The following SUCLG1 variants were observed in gnomAD, a reference collection of about 807,000 sequenced individuals.
SUCLG1 encodes the protein succinate-CoA ligase GDP/ADP-forming subunit alpha, also known as succinate--CoA ligase [ADP/GDP-forming] subunit alpha, mitochondrial.
In SUCLG1, 26 loss-of-function variants were observed where a neutral mutation model predicts 37.3. The observed-to-expected ratio is 0.70, with a 90% CI of 0.51 to 0.97. The LOEUF is 0.97. Ranked by LOEUF, SUCLG1 falls within the 50% of genes least tolerant of loss-of-function variation. The probability of loss-of-function intolerance (pLI) is 0.00; values close to 1 mark genes in which losing one functional copy is unlikely to be tolerated. For synonymous variants in SUCLG1, 163 were observed against 155.6 expected, an observed-to-expected ratio of 1.05 and a Z score of -0.36; for missense variants, 433 against 432.9, an observed-to-expected ratio of 1.00 and a Z score of 0.00.
chr2:84,423,559 T>G lies in SUCLG1; in HGVS notation c.*187A>C, dbSNP rs1672488110. ...TCAAATAGTAGATTTATTGGCTGTCTCTGTAATACAATGTGGTGAAAACAT... is the reference window on the plus strand; with the variant it reads ...TCAAATAGTAGATTTATTGGCTGTCGCTGTAATACAATGTGGTGAAAACAT... On this transcript the variant is annotated 3_prime_UTR_variant, in exon 9 of 9. Coordinates refer to ENST00000393868, the MANE Select transcript of SUCLG1 (RefSeq NM_003849.4). 3.1e-6 allele frequency: 2 copies of G among 642,600 alleles called. No individual in the cohort carries two copies. The highest frequency in any genetic ancestry group is 3.6e-5 in the South Asian group (2 of 55,894). The allele number at this position is 642,600 out of a possible 1,614,324, so 39.8% of individuals were successfully genotyped here.
intron 7 of SUCLG1, among the ~76,000 whole-genome samples, chr2:84,428,012 A>G (rs543099963): frequency 6.6e-6 from 1 of 152,296 alleles, no homozygotes; most frequent in African/African-American, 2.4e-5. Flanking sequence ...AAGATGCAGC[A>G]TGCAAGGAGC....
intron 1 of SUCLG1, among the ~76,000 whole-genome samples, chr2:84,454,616 T>C (rs1672990988): frequency 6.6e-6 from 1 of 151,918 alleles, no homozygotes; most frequent in Non-Finnish European, 1.5e-5. Context: ...GAGCTAAACA[T>C]TGCACAAAAA....
chr2:84,459,131 A>G lies in SUCLG1; in HGVS notation c.97+42T>C, dbSNP rs745854340. On this transcript the variant is annotated intron_variant, in intron 1 of 8. Coordinates refer to ENST00000393868, the MANE Select transcript of SUCLG1 (RefSeq NM_003849.4). The stretch of plus-strand genomic sequence containing the variant: ...CAGGAGGTTGGGTCCGGCGGGGCCA[A>G]TAACCCGCGGGCGCCAGGAAGACAG... 25 of 1,524,848 alleles carry G rather than the reference A, an allele frequency of 1.6e-5. No individual in the cohort carries two copies. In the South Asian group the frequency reaches 2.3e-4, roughly 14 times the overall value. 94.5% of individuals were successfully genotyped at this position (1,524,848 alleles called of 1,614,324 possible). A position where few individuals can be genotyped will look rare whatever the true frequency, so the allele number is the denominator to read the frequency against.
At chr2:84,457,991 T>C (rs1673051662) in intron 1 of SUCLG1, among the ~76,000 whole-genome samples, 1 of 151,900 alleles carries the variant, frequency 6.6e-6, no homozygotes, top group Admixed American at 6.6e-5. Context: ...CAGAATGTAA[T>C]CTTCTCAAGA....
intron 5 of SUCLG1, among the ~76,000 whole-genome samples, chr2:84,434,777 C>T (rs545473499): frequency 6.6e-6 from 1 of 152,282 alleles, no homozygotes; most frequent in Non-Finnish European, 1.5e-5. Flanking sequence ...CATGTTTACA[C>T]TCTTAAACAA....
At chr2:84,453,692 C>T (rs1672978074) in intron 1 of SUCLG1, among the ~76,000 whole-genome samples, 2 of 152,226 alleles carry the variant, frequency 1.3e-5, no homozygotes, top group South Asian at 4.1e-4. Context: ...GCTGGGATTA[C>T]AGGCAGGAGC....
chr2:84,440,099 G>A (rs1279587877), intron 5 of SUCLG1, among the ~76,000 whole-genome samples: 1 of 152,194 alleles, frequency 6.6e-6, no homozygotes, highest in East Asian at 1.9e-4. Flanking sequence ...TAATAGCCGG[G>A]CATGGTAGCT....
chr2:84,457,451 T>C (rs1011239560), intron 1 of SUCLG1, among the ~76,000 whole-genome samples: 8 of 152,222 alleles, frequency 5.3e-5, no homozygotes, highest in African/African-American at 1.9e-4. Context: ...TAGGGCCAAA[T>C]GATCCTGGGA....
chr2:84,451,374 C>T (rs554204571), intron 1 of SUCLG1, among the ~76,000 whole-genome samples: 14 of 152,272 alleles, frequency 9.2e-5, no homozygotes, highest in African/African-American at 3.1e-4. Context: ...TATCTGGAGT[C>T]CCTACTTGTT....
intron 5 of SUCLG1, among the ~76,000 whole-genome samples, chr2:84,440,386 C>CG (rs200403920): frequency 0.035 from 5,372 of 152,172 alleles, 146 homozygotes; most frequent in Non-Finnish European, 0.053. Flanking sequence ...AAAATGAAGA[C>CG]TAACAATACC....
chr2:84,426,162 G>A (rs954380957), intron 7 of SUCLG1: 9 of 160,652 alleles, frequency 5.6e-5, no homozygotes, highest in Non-Finnish European at 1.1e-4. Context: ...CTGGATTGAT[G>A]CCCAAAAGCC....
At chr2:84,423,868 T>G (rs1392368314) in intron 8 of SUCLG1, 96 bp from the exon 9 acceptor site, 1 of 1,277,416 alleles carries the variant, frequency 7.8e-7, no homozygotes, top group East Asian at 2.4e-5. Context: ...AAACCTATTA[T>G]CTTTAGGATC....
At chr2:84,449,204 T>G (rs1573374545) in intron 2 of SUCLG1, among the ~76,000 whole-genome samples, 1 of 152,348 alleles carries the variant, frequency 6.6e-6, no homozygotes, top group South Asian at 2.1e-4. Context: ...CTTGTCTCAG[T>G]ATCCATGAGC....
intron 2 of SUCLG1, among the ~76,000 whole-genome samples, chr2:84,444,260 G>T (rs781078819): frequency 3.3e-5 from 5 of 152,140 alleles, no homozygotes; most frequent in Non-Finnish European, 7.4e-5. Context: ...TTTCACTTAG[G>T]TTCTTTTCCA....
intron 3 of SUCLG1, among the ~76,000 whole-genome samples, chr2:84,442,636 C>T (rs2104255932): frequency 6.6e-6 from 1 of 152,262 alleles, no homozygotes; most frequent in Non-Finnish European, 1.5e-5. Flanking sequence ...ACAAAAAGTA[C>T]CTATCAGTTT....
chr2:84,453,507 C>A (rs71428683), intron 1 of SUCLG1, among the ~76,000 whole-genome samples: 9 of 151,924 alleles, frequency 5.9e-5, no homozygotes, highest in Non-Finnish European at 1.2e-4. Context: ...CTCCACCTCT[C>A]GGGTTCAAGC....
At chr2:84,436,750 G>A (rs1437098341) in intron 5 of SUCLG1, among the ~76,000 whole-genome samples, 1 of 152,156 alleles carries the variant, frequency 6.6e-6, no homozygotes, top group Non-Finnish European at 1.5e-5. Flanking sequence ...CTACCACCTG[G>A]TTCAGTAAAA....
Position 84,459,220 on chromosome 2 carries a change from C to G in SUCLG1, c.50G>C (p.Gly17Ala). 2 of 1,550,414 alleles carry G rather than the reference C, an allele frequency of 1.3e-6. No homozygotes were observed. Among genetic ancestry groups the G allele is most frequent in the Non-Finnish European group, 1.7e-6 (2 of 1,146,776 alleles). The change falls in exon 1 of 9, where the codon GGC becomes GCC. Residue 17 changes from glycine to alanine, a missense_variant. Gly to Ala is a moderately conservative substitution (Grantham distance 60). Coordinates refer to ENST00000393868, the MANE Select transcript of SUCLG1 (RefSeq NM_003849.4). Reference protein sequence around the residue: ...AAADIATMVSGSSGLAAARLL... With the variant: ...AAADIATMVSASSGLAAARLL... ...ACGGGCGGCGGCGAGGCCGCTGCTG[C>G]CGGAGACCATGGTAGCGATGTCAGC... is the stretch of plus-strand genomic sequence containing the variant.
chr2:84,433,403 CA>C lies in SUCLG1; in HGVS notation c.621del (p.Tyr207Ter). ...GIVSRSGTLT[Y>X]EAVHQTTQVG... ...ACTTGCGTTGTTTGGTGAACTGCTT[CA>C]TAAGTCAGGGTGCCAGATCTGGACA... On this transcript the variant is annotated frameshift_variant, in exon 6 of 9. Coordinates refer to ENST00000393868, the MANE Select transcript of SUCLG1 (RefSeq NM_003849.4). LOFTEE classifies it high-confidence loss of function. 6.2e-7 allele frequency: 1 copy of C among 1,613,964 alleles called. No individual in the cohort carries two copies. Among genetic ancestry groups the C allele is most frequent in the Non-Finnish European group, 8.5e-7 (1 of 1,179,882 alleles).
Sources: allele counts gnomAD v4.1 joint callset (sites outside exome capture counted in the v4.1 genomes callset), GRCh38; gene constraint gnomAD v4.1.1; transcripts MANE v1.5; gene names NCBI Gene and HGNC (gene_info 2026-07-23, HGNC 2026-07-21).